AAR2: variants seen among roughly 807,000 people sequenced by gnomAD.
The protein encoded by AAR2 is protein AAR2 homolog.
Under a neutral mutation model 26.9 loss-of-function variants are expected in AAR2, and 31 were observed. The ratio of observed to expected loss-of-function variants is 1.15; its 90% CI spans 0.86 to 1.55. AAR2 has a LOEUF of 1.55. AAR2 is among the 40% of genes most tolerant of loss of function. AAR2 has a pLI of 0.00. For synonymous variants in AAR2, 188 were observed against 196.1 expected, an observed-to-expected ratio of 0.96 and a Z score of 0.34; for missense variants, 430 against 491.3, an observed-to-expected ratio of 0.88 and a Z score of 1.18.
chr20:36,245,645 C>A (rs1432580952), intron 3 of AAR2, among the ~76,000 whole-genome samples: 1 of 152,170 alleles, frequency 6.6e-6, no homozygotes, highest in African/African-American at 2.4e-5. Flanking sequence ...GTGTGTAATA[C>A]CCCCATGAGG....
At chr20:36,254,187 A>T (rs925792410) in intron 3 of AAR2, among the ~76,000 whole-genome samples, 8 of 152,268 alleles carry the variant, frequency 5.3e-5, no homozygotes, top group Admixed American at 2.0e-4. Flanking sequence ...GGTAAAAACA[A>T]CACAAATAGG....
chr20:36,247,326 T>C (rs1200846875), intron 3 of AAR2, among the ~76,000 whole-genome samples: 1 of 151,972 alleles, frequency 6.6e-6, no homozygotes, highest in East Asian at 1.9e-4. Context: ...ACCCCATCTC[T>C]CTCCCACACT....
At chr20:36,249,990 T>G (rs904072563) in intron 3 of AAR2, among the ~76,000 whole-genome samples, 1 of 152,354 alleles carries the variant, frequency 6.6e-6, no homozygotes, top group South Asian at 2.1e-4. Context: ...ATCTTCTACC[T>G]ATTGCTAGTT....
In AAR2 at chr20:36,240,028, G is replaced by C; in HGVS notation, c.160G>C (p.Gly54Arg). ...KFRGVKMIPP[G>R]IHFLHYSSVD... ...CCGGGGCGTGAAGATGATCCCTCCA[G>C]GCATCCACTTCCTCCACTACAGCTC... Residue 54 changes from glycine to arginine, a missense_variant, in exon 2 of 4, where the codon GGC (glycine) becomes CGC (arginine). Physicochemically the swap from Gly to Arg is moderately radical, Grantham distance 125 (BLOSUM62 -2). Coordinates refer to ENST00000320849, the MANE Select transcript of AAR2 (RefSeq NM_001271874.2). 5 of 1,614,224 alleles carry C rather than the reference G, an allele frequency of 3.1e-6. No individual in the cohort carries two copies. Among genetic ancestry groups the C allele is most frequent in the Non-Finnish European group, 4.2e-6 (5 of 1,180,028 alleles).
intron 2 of AAR2, among the ~76,000 whole-genome samples, chr20:36,241,331 A>G (rs1466918002): frequency 1.3e-5 from 2 of 152,170 alleles, no homozygotes; most frequent in Admixed American, 1.3e-4. Context: ...ATGAGTTTTT[A>G]TAAAAACAGG....
Position 36,256,086 on chromosome 20 carries a change from C to A in AAR2, c.*341C>A. On this transcript the variant is annotated 3_prime_UTR_variant, in exon 4 of 4. Coordinates refer to ENST00000320849, the MANE Select transcript of AAR2 (RefSeq NM_001271874.2). Reference sequence around the variant, plus strand: ...AATGAGAAGGAATTGAACCAAAAGTCCAAGAAAGAACTGATTGCTTGTTCC... The same window carrying A: ...AATGAGAAGGAATTGAACCAAAAGTACAAGAAAGAACTGATTGCTTGTTCC... The A allele has an allele frequency of 4.6e-6, 1 of 215,596 alleles. No individual in the cohort carries two copies. The highest frequency in any genetic ancestry group is 9.2e-6 in the Non-Finnish European group (1 of 108,454). 13.4% of individuals were successfully genotyped at this position (215,596 alleles called of 1,614,324 possible).
At chr20:36,254,313 A>T (rs1225871753) in intron 3 of AAR2, among the ~76,000 whole-genome samples, 2 of 152,254 alleles carry the variant, frequency 1.3e-5, no homozygotes, top group Non-Finnish European at 2.9e-5. Context: ...ACCTTGAAGG[A>T]TATTATGCTA....
chr20:36,244,652 GTCC>G lies in AAR2; in HGVS notation c.758-39_758-37del, dbSNP rs568801996. ...GAATAGTGATGGAGAGTGTCAGCTG[GTCC>G]TCCTCTCCCTCAGAATCACTTCTCC... On this transcript the variant is annotated intron_variant, in intron 2 of 3. Coordinates refer to ENST00000320849, the MANE Select transcript of AAR2 (RefSeq NM_001271874.2). The G allele has an allele frequency of 1.5e-4, 231 of 1,567,440 alleles. No homozygotes were observed. The African/African-American group carries it at 2.6e-3, about 17-fold the overall frequency.
intron 3 of AAR2, among the ~76,000 whole-genome samples, chr20:36,254,077 G>T (rs1016826808): frequency 6.6e-6 from 1 of 152,178 alleles, no homozygotes; most frequent in East Asian, 1.9e-4. Flanking sequence ...TGATCCAACA[G>T]CTCCACTCCT....
intron 3 of AAR2, among the ~76,000 whole-genome samples, chr20:36,250,905 A>G (rs1230066565): frequency 1.3e-5 from 2 of 150,304 alleles, no homozygotes; most frequent in African/African-American, 4.9e-5. Flanking sequence ...AATTAAGAAG[A>G]AAAAAAAAAT....
Position 36,240,385 on chromosome 20 carries a change from C to T in AAR2, c.517C>T (p.Arg173Cys), listed in dbSNP as rs1196451527. Residue 173 changes from arginine to cysteine, a missense_variant, in exon 2 of 4, where the codon CGC (arginine) becomes TGC (cysteine). Physicochemically the swap from Arg to Cys is radical, Grantham distance 180. Coordinates refer to ENST00000320849, the MANE Select transcript of AAR2 (RefSeq NM_001271874.2). ...PVLSMKHTKD[R>C]VGQNLPRCGI... ...GCTCTCCATGAAGCACACCAAGGAC[C>T]GCGTGGGGCAGAATCTACCCCGCTG... 1.2e-5 allele frequency: 19 copies of T among 1,614,112 alleles called. No individual in the cohort carries two copies. Among genetic ancestry groups the T allele is most frequent in the Admixed American group, 3.3e-5 (2 of 60,012 alleles).
chr20:36,241,020 C>G (rs983116314), intron 2 of AAR2, among the ~76,000 whole-genome samples: 1 of 149,302 alleles, frequency 6.7e-6, no homozygotes, highest in Non-Finnish European at 1.5e-5. Flanking sequence ...TCAGTTTGCT[C>G]CTGACCCTCA....
intron 3 of AAR2, among the ~76,000 whole-genome samples, chr20:36,247,161 G>T (rs1013761620): frequency 1.3e-5 from 2 of 152,210 alleles, no homozygotes; most frequent in African/African-American, 4.8e-5. Context: ...TGTATTTTGA[G>T]AAAGTTAACA....
intron 3 of AAR2, among the ~76,000 whole-genome samples, chr20:36,252,851 T>G (rs1429164510): frequency 6.6e-6 from 1 of 152,154 alleles, no homozygotes; most frequent in Non-Finnish European, 1.5e-5. Context: ...AAGGCTTCTG[T>G]GCTGTCCATA....
rs774478093 is a variant in AAR2, at chr20:36,240,413, G to C, written c.545G>C (p.Gly182Ala). ...DRVGQNLPRC[G>A]IECKSYQEGL... ...GTGGGGCAGAATCTACCCCGCTGTG[G>C]CATTGAGTGCAAAAGCTACCAAGAG... Residue 182 changes from glycine to alanine, a missense_variant, in exon 2 of 4, where the codon GGC becomes GCC. By Grantham distance (60) the Gly-to-Ala change is moderately conservative. Coordinates refer to ENST00000320849, the MANE Select transcript of AAR2 (RefSeq NM_001271874.2). 1 of 1,614,232 alleles carries C rather than the reference G, an allele frequency of 6.2e-7. No homozygotes were observed. Among genetic ancestry groups the C allele is most frequent in the South Asian group, 1.1e-5 (1 of 91,088 alleles).
chr20:36,245,310 T>G (rs1398579509), intron 3 of AAR2, among the ~76,000 whole-genome samples: 1 of 152,210 alleles, frequency 6.6e-6, no homozygotes, highest in Admixed American at 6.5e-5. Flanking sequence ...GCTCCTTAGA[T>G]CTCATTTAAG....
chr20:36,243,410 C>T (rs551339543), intron 2 of AAR2, among the ~76,000 whole-genome samples: 6 of 152,284 alleles, frequency 3.9e-5, no homozygotes, highest in South Asian at 2.1e-4. Flanking sequence ...AACTTAGTTC[C>T]GTATGCTTAG....
Position 36,240,140 on chromosome 20 carries a change from G to A in AAR2, c.272G>A (p.Trp91Ter). 6.2e-7 allele frequency: 1 copy of A among 1,614,206 alleles called. No homozygotes were observed. The highest frequency in any genetic ancestry group is 1.6e-4 in the Middle Eastern group (1 of 6,062). ...LHQRGLTVLR[W>*]STLREEVDLS... ...CAGCGGGGGCTGACAGTGCTGCGCT[G>A]GAGCACACTCAGGGAAGAGGTAGAC... Residue 91 changes from tryptophan (W) to a stop codon, truncating the protein, a stop_gained, in exon 2 of 4, where the codon TGG becomes TAG. Coordinates refer to ENST00000320849, the MANE Select transcript of AAR2 (RefSeq NM_001271874.2). LOFTEE classifies it high-confidence loss of function.
chr20:36,244,979 A>G, intron 3 of AAR2, 53 bp downstream of exon 3: 1 of 1,505,230 alleles, frequency 6.6e-7, no homozygotes, highest in Non-Finnish European at 9.2e-7. Context: ...AATTGAGGCA[A>G]CAGTATGTGT....
Sources: gnomAD v4.1 joint callset for allele counts (sites outside exome capture counted in the v4.1 genomes callset) on GRCh38, gnomAD v4.1.1 for gene constraint, MANE v1.5 for transcripts, NCBI Gene and HGNC (gene_info 2026-07-23, HGNC 2026-07-21) for gene names.